SCN1A: variants seen among roughly 807,000 people sequenced by gnomAD.
The protein encoded by SCN1A is sodium voltage-gated channel alpha subunit 1, also known as sodium channel protein type 1 subunit alpha.
In SCN1A, 13 loss-of-function variants were observed where a neutral mutation model predicts 193.7. The ratio of observed to expected loss-of-function variants is 0.07; its 90% CI spans 0.04 to 0.11. The LOEUF is 0.11. SCN1A is among the 10% of genes least tolerant of loss of function. The probability of loss-of-function intolerance (pLI) is 1.00; values close to 1 mark genes in which losing one functional copy is unlikely to be tolerated. For synonymous variants in SCN1A, 781 were observed against 843.6 expected, an observed-to-expected ratio of 0.93 and a Z score of 1.29; for missense variants, 1,432 against 2,451.1, an observed-to-expected ratio of 0.58 and a Z score of 8.78.
At chr2:166,068,735 G>A (rs2892993) in intron 4 of SCN1A, among the ~76,000 whole-genome samples, 60,566 of 151,920 alleles carry the variant, frequency 0.4, 12,622 homozygotes, top group East Asian at 0.71. Context: ...CAAGAAAAAG[G>A]GAGTGTGCAT....
At position 165,991,119 on chromosome 2, in the gene SCN1A, T is replaced by A. The variant is rs570641478; in HGVS notation, c.*126A>T. 6.1e-6 allele frequency: 5 copies of A among 825,240 alleles called. No homozygotes were observed. In the Admixed American group the frequency reaches 1.2e-4, roughly 19 times the overall value. 51.1% of individuals were successfully genotyped at this position (825,240 alleles called of 1,614,324 possible). A position where few individuals can be genotyped will look rare whatever the true frequency, so the allele number is the denominator to read the frequency against. Reference sequence around the variant, plus strand: ...CACTGTCTTATTGTAGGCACTGACCTTAAGGAGATTTGTGTAAAAACAGTC... The same window carrying A: ...CACTGTCTTATTGTAGGCACTGACCATAAGGAGATTTGTGTAAAAACAGTC... On this transcript the variant is annotated 3_prime_UTR_variant, in exon 29 of 29. Transcript: ENST00000674923.
chr2:166,056,370 C>T, intron 6 of SCN1A, 41 bp downstream of exon 6: 1 of 1,236,606 alleles, frequency 8.1e-7, no homozygotes, highest in Admixed American at 1.7e-5. Context: ...TTTCAAAATC[C>T]CAAATGTATA....
chr2:166,016,479 A>G (rs1019499150), intron 19 of SCN1A: 3 of 152,034 alleles, frequency 2.0e-5, no homozygotes, highest in Non-Finnish European at 4.4e-5. Flanking sequence ...AACAACAACA[A>G]TAACAATATC....
chr2:165,997,837 C>A (rs1258508751), intron 26 of SCN1A, among the ~76,000 whole-genome samples: 1 of 151,032 alleles, frequency 6.6e-6, no homozygotes, highest in South Asian at 2.1e-4. Context: ...AACCTATGAA[C>A]AAGAGTGTGG....
intron 20 of SCN1A, 45 bp from the exon 21 acceptor site, chr2:166,013,943 C>G (rs1188502937): frequency 6.3e-7 from 1 of 1,597,502 alleles, no homozygotes; most frequent in African/African-American, 1.3e-5. Flanking sequence ...GTCTCTGCTT[C>G]CATAATATCC....
intron 23 of SCN1A, among the ~76,000 whole-genome samples, chr2:166,009,106 T>G (rs1190806922): frequency 1.3e-5 from 2 of 151,126 alleles, no homozygotes; most frequent in Non-Finnish European, 3.0e-5. Flanking sequence ...TCATTATAAG[T>G]GTTTTACTTT....
At chr2:166,032,243 A>ATGCTCCTCAACTTACGAT (rs1553539051) in intron 19 of SCN1A, among the ~76,000 whole-genome samples, 5 of 62,020 alleles carry the variant, frequency 8.1e-5, no homozygotes, top group Admixed American at 4.3e-4. Flanking sequence ...ACAGAGACAG[A>ATGCTCCTCAACTTACGAT]GAGAGAAAAT....
chr2:166,147,770 C>A (rs1403604226), intron 1 of SCN1A, among the ~76,000 whole-genome samples: 1 of 152,136 alleles, frequency 6.6e-6, no homozygotes, highest in Admixed American at 6.5e-5. Context: ...ATACAGCATA[C>A]AATTGTAAGT....
chr2:166,093,097 A>T (rs909032078), intron 2 of SCN1A, among the ~76,000 whole-genome samples: 3 of 151,888 alleles, frequency 2.0e-5, no homozygotes, highest in Non-Finnish European at 4.4e-5. Context: ...AGAGTGAGTG[A>T]GTCAGAATGT....
intron 6 of SCN1A, among the ~76,000 whole-genome samples, chr2:166,056,016 A>T (rs1006076150): frequency 1.2e-4 from 18 of 152,092 alleles, no homozygotes; most frequent in South Asian, 2.1e-4. Flanking sequence ...GCGAGGTTCA[A>T]TGTTGTCTTC....
upstream of SCN1A, among the ~76,000 whole-genome samples, chr2:166,130,195 C>T (rs911349443): frequency 6.6e-6 from 1 of 152,208 alleles, no homozygotes; most frequent in African/African-American, 2.4e-5. Flanking sequence ...GGAGTCCTAA[C>T]CACTTCATTA....
intron 23 of SCN1A, chr2:166,009,410 T>G (rs1574037627): frequency 4.9e-6 from 1 of 203,636 alleles, no homozygotes; most frequent in East Asian, 1.2e-4. Flanking sequence ...CATTATATCA[T>G]TACACATAGT....
chr2:166,072,215 A>T (rs1684501567), intron 4 of SCN1A, among the ~76,000 whole-genome samples: 1 of 152,118 alleles, frequency 6.6e-6, no homozygotes, highest in African/African-American at 2.4e-5. Flanking sequence ...CTTTCCACTA[A>T]GATTCACAAA....
chr2:166,052,676 C>T (rs900990652), intron 8 of SCN1A, among the ~76,000 whole-genome samples, 176 bp downstream of exon 8: 1 of 151,462 alleles, frequency 6.6e-6, no homozygotes, highest in Non-Finnish European at 1.5e-5. Context: ...TACAGTATCT[C>T]ACATAAGACA....
In SCN1A at chr2:165,991,151, G is replaced by A. The variant is rs1456849389; in HGVS notation, c.*94C>T. ...GATTTGTGTAAAAACAGTCAGTTTG[G>A]CATTGACCTCCTAAAGGAGTCCTGT... On this transcript the variant is annotated 3_prime_UTR_variant, in exon 29 of 29. Coordinates refer to ENST00000674923, the MANE Select transcript of SCN1A (RefSeq NM_001165963.4). The A allele has an allele frequency of 1.8e-6, 2 of 1,116,848 alleles. No individual in the cohort carries two copies. The highest frequency in any genetic ancestry group is 2.6e-5 in the East Asian group (1 of 39,032). The allele number at this position is 1,116,848 out of a possible 1,614,324, so 69.2% of individuals were successfully genotyped here.
intron 20 of SCN1A, 117 bp downstream of exon 20, chr2:166,015,490 A>T: frequency 8.0e-7 from 1 of 1,252,346 alleles, no homozygotes. Context: ...ATTAGAGGTG[A>T]TTGAATTATA....
intron 19 of SCN1A, among the ~76,000 whole-genome samples, chr2:166,018,615 C>T (rs190128702): frequency 4.9e-4 from 75 of 151,998 alleles, no homozygotes; most frequent in African/African-American, 1.6e-3. Flanking sequence ...AGTCTCAATT[C>T]ACAAAAAAAC....
intron 19 of SCN1A, among the ~76,000 whole-genome samples, chr2:166,019,494 A>T (rs1189371438): frequency 6.6e-6 from 1 of 152,190 alleles, no homozygotes; most frequent in African/African-American, 2.4e-5. Flanking sequence ...TGATTCTGCA[A>T]TATCACTCTT....
At chr2:166,010,557 A>G (rs1184671933) in intron 22 of SCN1A, among the ~76,000 whole-genome samples, 1 of 151,250 alleles carries the variant, frequency 6.6e-6, no homozygotes, top group Non-Finnish European at 1.5e-5. Flanking sequence ...GGTAATATAC[A>G]TGACTAAAGG....
Sources: allele counts gnomAD v4.1 joint callset (sites outside exome capture counted in the v4.1 genomes callset), GRCh38; gene constraint gnomAD v4.1.1; transcripts MANE v1.5; gene names NCBI Gene and HGNC (gene_info 2026-07-23, HGNC 2026-07-21).